Variants in NXPH2 observed in about 807,000 individuals in gnomAD.
NXPH2 encodes neurexophilin 2, also known as neurexophilin-2.
A neutral mutation model predicts 19.8 loss-of-function variants in NXPH2; 5 were observed. The ratio of observed to expected loss-of-function variants is 0.25; its 90% CI spans 0.13 to 0.53. The LOEUF (loss-of-function observed/expected upper bound fraction) is 0.53. NXPH2 is among the 20% of genes least tolerant of loss of function. The probability of loss-of-function intolerance (pLI) is 0.96; values close to 1 mark genes in which losing one functional copy is unlikely to be tolerated. For synonymous variants in NXPH2, 154 were observed against 127.4 expected (o/e 1.21, Z -1.41); for missense variants, 289 against 322.8 (o/e 0.90, Z 0.80).
chr2:138,734,610 G>T (rs1165904769), intron 1 of NXPH2, among the ~76,000 whole-genome samples: 1 of 152,168 alleles, frequency 6.6e-6, no homozygotes, highest in East Asian at 1.9e-4. Context: ...CTGAAGATGG[G>T]AATGCCAGCT....
rs529230234 is a variant in NXPH2, at chr2:138,696,577, A to G, written c.52-24912T>C. Among the ~76,000 whole-genome samples, 11 of 152,342 alleles carry G rather than the reference A, an allele frequency of 7.2e-5. 1 individual carries two copies. In the South Asian group the frequency reaches 2.3e-3, roughly 32 times the overall value. ...CACTCCATACCCACTAGAAGGGCTAAAATTAAAAAGACTGGCAGTATCAAA... is the reference window on the plus strand; with the variant it reads ...CACTCCATACCCACTAGAAGGGCTAGAATTAAAAAGACTGGCAGTATCAAA... On this transcript the variant is annotated intron_variant, in intron 1 of 1. Transcript: ENST00000272641.
intron 1 of NXPH2, among the ~76,000 whole-genome samples, chr2:138,733,167 T>C (rs1232878496): frequency 6.6e-6 from 1 of 152,224 alleles, no homozygotes; most frequent in Non-Finnish European, 1.5e-5. Context: ...TATAATGAAA[T>C]GACCTGAAGG....
chr2:138,769,056 G>T (rs1682134468), intron 1 of NXPH2, among the ~76,000 whole-genome samples: 1 of 152,152 alleles, frequency 6.6e-6, no homozygotes, highest in African/African-American at 2.4e-5. Flanking sequence ...GGGAAAGCCA[G>T]GAATAAGAAT....
chr2:138,718,829 A>C (rs1419296024), intron 1 of NXPH2, among the ~76,000 whole-genome samples: 1 of 152,200 alleles, frequency 6.6e-6, no homozygotes, highest in African/African-American at 2.4e-5. Flanking sequence ...GAATTAACCT[A>C]TAGACTACAC....
chr2:138,717,676 C>A (rs1436793018), intron 1 of NXPH2, among the ~76,000 whole-genome samples: 1 of 151,928 alleles, frequency 6.6e-6, no homozygotes, highest in Non-Finnish European at 1.5e-5. Context: ...AGAGCAGCAA[C>A]CTGTATGCTT....
chr2:138,674,291 T>C (rs957353035), intron 1 of NXPH2, among the ~76,000 whole-genome samples: 1 of 152,082 alleles, frequency 6.6e-6, no homozygotes, highest in Non-Finnish European at 1.5e-5. Flanking sequence ...GTAGCTGTGA[T>C]TACAGGCATG....
intron 1 of NXPH2, among the ~76,000 whole-genome samples, chr2:138,743,113 A>G (rs1203864406): frequency 1.3e-5 from 2 of 152,252 alleles, no homozygotes; most frequent in African/African-American, 4.8e-5. Flanking sequence ...ATTTCAAGAG[A>G]GGTATGCTAC....
chr2:138,752,242 T>C (rs1440400900), intron 1 of NXPH2, among the ~76,000 whole-genome samples: 3 of 152,104 alleles, frequency 2.0e-5, no homozygotes, highest in Non-Finnish European at 4.4e-5. Context: ...TATCCCTAGA[T>C]TGAAAGAAAA....
At position 138,706,987 on chromosome 2, in the gene NXPH2, T is replaced by A. The variant is rs1573961164; in HGVS notation, c.52-35322A>T. ...AGATGGGTCTCTTAAAAAATTGCTG[T>A]TCAATAAATGAGAGCAAGAAAACTA... is the stretch of plus-strand genomic sequence containing the variant. On this transcript the variant is annotated intron_variant, in intron 1 of 1. Coordinates refer to ENST00000272641, the MANE Select transcript of NXPH2 (RefSeq NM_007226.3). 3.3e-5 allele frequency among the ~76,000 whole-genome samples: 5 copies of A among 150,602 alleles called. No homozygotes were observed. In the South Asian group the frequency reaches 1.1e-3, roughly 32 times the overall value.
intron 1 of NXPH2, among the ~76,000 whole-genome samples, chr2:138,767,673 GT>G (rs918785664): frequency 5.9e-5 from 9 of 151,952 alleles, no homozygotes; most frequent in African/African-American, 1.2e-4. Flanking sequence ...AAGATAAAAC[GT>G]TTTTTTCCTA....
At chr2:138,733,611 G>C (rs139678528) in intron 1 of NXPH2, among the ~76,000 whole-genome samples, 158 of 152,260 alleles carry the variant, frequency 1.0e-3, no homozygotes, top group African/African-American at 3.8e-3. Flanking sequence ...AAATATATCT[G>C]TATGTTGAAT....
At chr2:138,772,042 C>T (rs1167043143) in intron 1 of NXPH2, among the ~76,000 whole-genome samples, 1 of 152,158 alleles carries the variant, frequency 6.6e-6, no homozygotes, top group Non-Finnish European at 1.5e-5. Context: ...GACAGGTTCC[C>T]TCACCCACCT....
rs758512195 is a variant in NXPH2, at chr2:138,671,447, A to T, written c.270T>A (p.Ile90=). 6.2e-7 allele frequency: 1 copy of T among 1,613,784 alleles called. No homozygotes were observed. Residue 90 remains isoleucine (I), a synonymous_variant, in exon 2 of 2, where the codon ATT becomes ATA. Transcript: ENST00000272641. The stretch of plus-strand genomic sequence containing the variant: ...GTTTAGTTCTTGCCAATGGCTCCTG[A>T]ATCTCCGTGATGTTGGCCAGCCAAT... ...FWDWLANITE[I]QEPLARTKRR... is the part of the protein sequence containing the mutation.
rs375533117 is a variant in NXPH2 at position 138,708,255 on chromosome 2, C to T, written c.52-36590G>A. On this transcript the variant is annotated intron_variant, in intron 1 of 1. Coordinates refer to ENST00000272641, the MANE Select transcript of NXPH2 (RefSeq NM_007226.3). The stretch of plus-strand genomic sequence containing the variant: ...TGCTACTTTCCTCAGCCGTCACACA[C>T]GCTGCCCACTTCACAACTATCTCCC... 6.6e-5 allele frequency among the ~76,000 whole-genome samples: 10 copies of T among 152,310 alleles called. No individual in the cohort carries two copies. The East Asian group carries it at 7.7e-4, about 12-fold the overall frequency.
chr2:138,727,075 A>T (rs981054184), intron 1 of NXPH2, among the ~76,000 whole-genome samples: 1 of 152,166 alleles, frequency 6.6e-6, no homozygotes, highest in African/African-American at 2.4e-5. Flanking sequence ...AGTAATATGC[A>T]TTTAAGGTTC....
chr2:138,780,131 C>T, intron 1 of NXPH2, 60 bp downstream of exon 1: 1 of 1,445,364 alleles, frequency 6.9e-7, no homozygotes. Context: ...GCCGCCTGCG[C>T]GGTTTTCCCG....
intron 1 of NXPH2, among the ~76,000 whole-genome samples, chr2:138,673,667 T>TG (rs1434218647): frequency 1.3e-5 from 2 of 151,342 alleles, no homozygotes; most frequent in Admixed American, 1.3e-4. Context: ...TTGGTAGAGA[T>TG]GGGGTCTCAG....
rs183687256 is a variant in NXPH2, at chr2:138,708,669, C to T, written c.52-37004G>A. ...GGCCAAGCTAATGTGAGGTATAGTGCTTATTATTCTTTGAATGTTGTTCTA... is the reference window on the plus strand; with the variant it reads ...GGCCAAGCTAATGTGAGGTATAGTGTTTATTATTCTTTGAATGTTGTTCTA... On this transcript the variant is annotated intron_variant, in intron 1 of 1. Coordinates refer to ENST00000272641, the MANE Select transcript of NXPH2 (RefSeq NM_007226.3). Among the ~76,000 whole-genome samples the T allele has an allele frequency of 3.4e-3, 525 of 152,218 alleles. 8 individuals are homozygous for T. The South Asian group carries it at 0.051, about 15-fold the overall frequency.
intron 1 of NXPH2, among the ~76,000 whole-genome samples, chr2:138,732,850 A>T (rs543013261): frequency 7.2e-5 from 11 of 152,294 alleles, no homozygotes; most frequent in African/African-American, 2.6e-4. Flanking sequence ...AGTGCTGATT[A>T]AGCACATTAT....
Sources: allele counts gnomAD v4.1 joint callset (sites outside exome capture counted in the v4.1 genomes callset), GRCh38; gene constraint gnomAD v4.1.1; transcripts MANE v1.5; gene names NCBI Gene and HGNC (gene_info 2026-07-23, HGNC 2026-07-21).